The following CSF2RA variants were observed in gnomAD, a reference collection of about 807,000 sequenced individuals.
CSF2RA encodes granulocyte-macrophage colony-stimulating factor receptor subunit alpha.
In CSF2RA, 42 loss-of-function variants were observed where a neutral mutation model predicts 51.6. That is an observed-to-expected ratio of 0.81 (90% CI 0.64 to 1.05). CSF2RA has a LOEUF of 1.05. Among genes scored for constraint, CSF2RA ranks in the 50% least tolerant of loss-of-function variants. The pLI, the probability that CSF2RA is intolerant of heterozygous loss-of-function variation, is 0.00. For missense variants in CSF2RA, 530 were observed against 501.1 expected (o/e 1.06, Z -0.55); for synonymous variants, 222 against 193.0 (o/e 1.15, Z -1.24).
downstream of CSF2RA, among the ~76,000 whole-genome samples, chrX:1,312,717 G>A (rs752268855): frequency 2.6e-5 from 4 of 152,232 alleles, no homozygotes; most frequent in South Asian, 6.2e-4. Flanking sequence ...AGAGAGAGCC[G>A]AGCTTGGGAT....
chrX:1,269,644 AAAGAGATGAAAAG>A (rs2088102011), intron 1 of CSF2RA, among the ~76,000 whole-genome samples: 1 of 32,762 alleles, frequency 3.1e-5, no homozygotes, highest in Non-Finnish European at 8.9e-5. Context: ...AAAGAAAAAA[AAAGAGATGAAAAG>A]AGATGAACGC....
intron 12 of CSF2RA, among the ~76,000 whole-genome samples, chrX:1,308,354 G>A (rs1244044014): frequency 6.6e-6 from 1 of 152,066 alleles, no homozygotes; most frequent in South Asian, 2.1e-4. Flanking sequence ...CCCAGAGATG[G>A]GGGTGGAAGA....
Position 1,298,770 on chromosome X carries a change from A to G in CSF2RA, c.811-1721A>G, listed in dbSNP as rs185202857. Among the ~76,000 whole-genome samples, 279 of 151,206 alleles carry G rather than the reference A, an allele frequency of 1.8e-3. 5 individuals carry two copies. The highest frequency in any genetic ancestry group is 6.5e-3 in the African/African-American group (267 of 41,170). On this transcript the variant is annotated intron_variant, in intron 9 of 12. Coordinates refer to ENST00000381529, the MANE Select transcript of CSF2RA (RefSeq NM_172245.4). ...CCCACATGACCCCCAGTGTAACCCT[A>G]TAGTCCCCTACCCACGACCTATGTC...
intron 9 of CSF2RA, among the ~76,000 whole-genome samples, chrX:1,297,645 T>C (rs28526722): frequency 0.01 from 191 of 18,338 alleles, no homozygotes; most frequent in Admixed American, 0.025. Flanking sequence ...AGTCTCCTAC[T>C]CATGACCCCT....
intron 2 of CSF2RA, among the ~76,000 whole-genome samples, chrX:1,275,216 C>T (rs2089020196): frequency 6.6e-6 from 1 of 151,798 alleles, no homozygotes; most frequent in Non-Finnish European, 1.5e-5. Context: ...CATGGTGAAA[C>T]CCCATCTCTG....
rs773801980 is a variant in CSF2RA at position 1,295,407 on chromosome X, G to A, written c.781-20G>A. 13 of 1,613,360 alleles carry A rather than the reference G, an allele frequency of 8.1e-6. No individual in the cohort carries two copies. The Admixed American group carries it at 1.2e-4, about 14-fold the overall frequency. ...AAATGGAAACAGTGAGCCTTGTGTT[G>A]TGTTTTGTTTTGTTTCTAGAATACC... On this transcript the variant is annotated intron_variant, in intron 8 of 12. Transcript: ENST00000381529.
chrX:1,319,057 A>T, the CSF2RA span, among the ~76,000 whole-genome samples: 8 of 137,300 alleles, frequency 5.8e-5, no homozygotes, highest in African/African-American at 2.0e-4. Context: ...GTACAGTGGC[A>T]TGATCTCGGC....
chrX:1,294,839 C>T (rs1484544400), intron 8 of CSF2RA, among the ~76,000 whole-genome samples: 2 of 79,604 alleles, frequency 2.5e-5, no homozygotes, highest in Non-Finnish European at 5.5e-5. Flanking sequence ...GGAGGACACC[C>T]GACCCCACCT....
chrX:1,284,660 A>ATTTTTTTTTTTT (rs61159606), intron 3 of CSF2RA, among the ~76,000 whole-genome samples: 1 of 24,466 alleles, frequency 4.1e-5, no homozygotes, highest in African/African-American at 1.7e-4. Context: ...CTAGTTTTTG[A>ATTTTTTTTTTTT]TTTTTTTTTT....
Position 1,289,133 on chromosome X carries a change from A to G in CSF2RA, c.473+245A>G, listed in dbSNP as rs143594015. ...CCCGCCACCACACCAGGCCACATCTATGTATTTAGAGACAGAGTCTTGCTC... is the reference window on the plus strand; with the variant it reads ...CCCGCCACCACACCAGGCCACATCTGTGTATTTAGAGACAGAGTCTTGCTC... On this transcript the variant is annotated intron_variant, in intron 6 of 12. Transcript: ENST00000381529. 2,388 of 549,332 alleles carry G rather than the reference A, an allele frequency of 4.3e-3. 41 individuals are homozygous for G. The highest frequency in any genetic ancestry group is 0.014 in the East Asian group (432 of 30,654). 34.0% of individuals were successfully genotyped at this position (549,332 alleles called of 1,614,324 possible). A position where few individuals can be genotyped will look rare whatever the true frequency, so the allele number is the denominator to read the frequency against.
intron 7 of CSF2RA, among the ~76,000 whole-genome samples, chrX:1,292,478 A>G (rs757673714): frequency 6.6e-6 from 1 of 152,242 alleles, no homozygotes; most frequent in South Asian, 2.1e-4. Flanking sequence ...TATTTTCACT[A>G]TCTTGGCAAG....
intron 7 of CSF2RA, 64 bp from the exon 8 acceptor site, chrX:1,294,264 C>T: frequency 2.5e-6 from 4 of 1,605,026 alleles, no homozygotes; most frequent in Non-Finnish European, 3.4e-6. Context: ...GCACCACCTC[C>T]ACCTGGACCC....
the CSF2RA span, among the ~76,000 whole-genome samples, chrX:1,315,660 C>T: frequency 1.3e-5 from 2 of 152,150 alleles, no homozygotes; most frequent in Non-Finnish European, 2.9e-5. Flanking sequence ...CCGCCTCAGC[C>T]TCCCAAAATG....
chrX:1,288,307 C>A lies in CSF2RA; in HGVS notation c.220-212C>A, dbSNP rs537855508. 3.8e-4 allele frequency among the ~76,000 whole-genome samples: 54 copies of A among 141,664 alleles called. 4 individuals carry two copies. In the South Asian group the frequency reaches 0.013, roughly 33 times the overall value. The allele number at this position is 141,664 out of a possible 152,430, so 92.9% of individuals were successfully genotyped here. On this transcript the variant is annotated intron_variant, in intron 4 of 12. Coordinates refer to ENST00000381529, the MANE Select transcript of CSF2RA (RefSeq NM_172245.4). The stretch of plus-strand genomic sequence containing the variant: ...GACCAGCCTGGCCAACATGGTGAAA[C>A]CCTGTCTCTACTACAAATACACAAA...
At chrX:1,316,303 T>TAGATAGAC in the CSF2RA span, among the ~76,000 whole-genome samples, 14 of 138,550 alleles carry the variant, frequency 1.0e-4, no homozygotes, top group South Asian at 4.6e-4. Context: ...GATAGATAGA[T>TAGATAGAC]AGACAGACAG....
Position 1,309,358 on chromosome X carries a change from T to G in CSF2RA, c.1126-44T>G, listed in dbSNP as rs754741678. On this transcript the variant is annotated intron_variant, in intron 12 of 12. Transcript: ENST00000381529. ...AAACACAGCCCACTGAGTCCCAGGC[T>G]GAGCTCGTGAAGATCTGACAGCCTG... is the stretch of plus-strand genomic sequence containing the variant. 3 of 1,583,726 alleles carry G rather than the reference T, an allele frequency of 1.9e-6. No homozygotes were observed. In the South Asian group the frequency reaches 3.3e-5, roughly 18 times the overall value.
At chrX:1,324,144 C>T in the CSF2RA span, among the ~76,000 whole-genome samples, 4 of 151,636 alleles carry the variant, frequency 2.6e-5, no homozygotes, top group Non-Finnish European at 4.4e-5. Flanking sequence ...AAGATCACGC[C>T]GCTGCACTCC....
the CSF2RA span, among the ~76,000 whole-genome samples, chrX:1,322,271 A>ATT: frequency 9.4e-5 from 13 of 138,498 alleles, no homozygotes; most frequent in African/African-American, 1.9e-4. Flanking sequence ...TCACCCGGCT[A>ATT]TTTTTTTTTT....
intron 9 of CSF2RA, among the ~76,000 whole-genome samples, chrX:1,299,253 C>A (rs1263836955): frequency 6.6e-6 from 1 of 152,122 alleles, no homozygotes; most frequent in African/African-American, 2.4e-5. Context: ...CTCTAAAATG[C>A]TTTTAGAGTG....
Sources: allele counts gnomAD v4.1 joint callset (sites outside exome capture counted in the v4.1 genomes callset), GRCh38; gene constraint gnomAD v4.1.1; transcripts MANE v1.5; gene names NCBI Gene and HGNC (gene_info 2026-07-23, HGNC 2026-07-21).